The following KCTD16 variants were observed in gnomAD, a reference collection of about 807,000 sequenced individuals.
KCTD16 encodes BTB/POZ domain-containing protein KCTD16.
Under a neutral mutation model 33.2 loss-of-function variants are expected in KCTD16, and 13 were observed. The observed-to-expected ratio is 0.39, with a 90% CI of 0.25 to 0.62. The LOEUF is 0.62. Ranked by LOEUF, KCTD16 falls within the 20% of genes least tolerant of loss-of-function variation. KCTD16 has a pLI of 0.50. For synonymous variants in KCTD16, 197 were observed against 195.3 expected, an observed-to-expected ratio of 1.01 and a Z score of -0.07; for missense variants, 441 against 525.1, an observed-to-expected ratio of 0.84 and a Z score of 1.57.
At chr5:144,407,529 T>A (rs1289436071) in intron 3 of KCTD16, among the ~76,000 whole-genome samples, 1 of 152,170 alleles carries the variant, frequency 6.6e-6, no homozygotes, top group African/African-American at 2.4e-5. Context: ...TTTCTTTTTT[T>A]AATTATGTTT....
At chr5:144,224,000 C>G (rs540258004) in intron 3 of KCTD16, among the ~76,000 whole-genome samples, 1 of 150,682 alleles carries the variant, frequency 6.6e-6, no homozygotes, top group Non-Finnish European at 1.5e-5. Flanking sequence ...GAATTTCCCT[C>G]TCTTGAAAAC....
At chr5:144,328,300 G>T (rs1420681302) in intron 3 of KCTD16, among the ~76,000 whole-genome samples, 3 of 152,140 alleles carry the variant, frequency 2.0e-5, no homozygotes, top group Non-Finnish European at 4.4e-5. Flanking sequence ...TCATGGAAAG[G>T]TGCATATGTG....
chr5:144,455,480 A>G (rs568578101), intron 3 of KCTD16, among the ~76,000 whole-genome samples: 1 of 152,316 alleles, frequency 6.6e-6, no homozygotes, highest in South Asian at 2.1e-4. Context: ...GGAGTGGAAA[A>G]GTCAAAGAAG....
chr5:144,281,797 C>T lies in KCTD16; in HGVS notation c.832+74251C>T, dbSNP rs114582441. Among the ~76,000 whole-genome samples, 1,502 of 152,196 alleles carry T rather than the reference C, an allele frequency of 9.9e-3. 22 individuals are homozygous for T. Among genetic ancestry groups the T allele is most frequent in the African/African-American group, 0.034 (1,409 of 41,508 alleles). ...AGAGATAAGTGTTAAAGTTTCCACC[C>T]GTAATTGTGGATTTGTCTTTTTCTT... On this transcript the variant is annotated intron_variant, in intron 3 of 3. Transcript: ENST00000512467.
chr5:144,221,357 T>G lies in KCTD16; in HGVS notation c.832+13811T>G, dbSNP rs1367608154. ...TAGGTATACACATGCCATGGTGGTT[T>G]GCTGCACCCATCATCCCATCACCTA... is the stretch of plus-strand genomic sequence containing the variant. On this transcript the variant is annotated intron_variant, in intron 3 of 3. Transcript: ENST00000512467. Among the ~76,000 whole-genome samples the G allele has an allele frequency of 2.0e-5, 3 of 152,166 alleles. No homozygotes were observed. The East Asian group carries it at 5.8e-4, about 29-fold the overall frequency.
intron 3 of KCTD16, among the ~76,000 whole-genome samples, chr5:144,223,198 C>T (rs894922050): frequency 3.3e-5 from 5 of 151,904 alleles, no homozygotes; most frequent in South Asian, 2.1e-4. Context: ...ATGTAAATGA[C>T]GAGTTAATGG....
At chr5:144,374,381 G>A (rs940453409) in intron 3 of KCTD16, among the ~76,000 whole-genome samples, 10 of 152,136 alleles carry the variant, frequency 6.6e-5, no homozygotes, top group African/African-American at 2.4e-4. Flanking sequence ...GGTCTCTGAA[G>A]ACATTTAGAT....
intron 3 of KCTD16, among the ~76,000 whole-genome samples, chr5:144,235,993 A>G (rs1400361180): frequency 2.0e-5 from 3 of 152,122 alleles, no homozygotes; most frequent in Non-Finnish European, 4.4e-5. Flanking sequence ...TTGTCAGTGT[A>G]TGAAGTCTAG....
chr5:144,458,028 C>G (rs1014515081), intron 3 of KCTD16, among the ~76,000 whole-genome samples: 1 of 152,162 alleles, frequency 6.6e-6, no homozygotes, highest in African/African-American at 2.4e-5. Flanking sequence ...ATTTTATGTG[C>G]AAATTCATTC....
rs550456886 is a variant in KCTD16, at chr5:144,380,457, G to A, written c.833-93203G>A. ...TTCAATGCTATTTATATCAAACTAT[G>A]AATGCCATTTTTTACAGAATTAGAG... On this transcript the variant is annotated intron_variant, in intron 3 of 3. Transcript: ENST00000512467. Among the ~76,000 whole-genome samples, 186 of 152,206 alleles carry A rather than the reference G, an allele frequency of 1.2e-3. 3 individuals carry two copies. The Middle Eastern group carries it at 0.014, about 11-fold the overall frequency.
intron 3 of KCTD16, among the ~76,000 whole-genome samples, chr5:144,311,502 A>G (rs1052584966): frequency 2.0e-5 from 3 of 152,218 alleles, no homozygotes; most frequent in Admixed American, 2.0e-4. Context: ...ATAGATATAG[A>G]TATCAAGAGG....
chr5:144,237,283 A>G (rs1405927804), intron 3 of KCTD16, among the ~76,000 whole-genome samples: 1 of 152,104 alleles, frequency 6.6e-6, no homozygotes, highest in Admixed American at 6.6e-5. Flanking sequence ...ATTAAAGAAC[A>G]GTCACTATTT....
chr5:144,312,352 T>C (rs1471447509), intron 3 of KCTD16, among the ~76,000 whole-genome samples: 1 of 152,090 alleles, frequency 6.6e-6, no homozygotes, highest in Admixed American at 6.6e-5. Flanking sequence ...ACATATACAG[T>C]TGGAGGAAAA....
At chr5:144,385,357 G>A (rs945905261) in intron 3 of KCTD16, 2 of 152,094 alleles carry the variant, frequency 1.3e-5, no homozygotes, top group African/African-American at 2.4e-5. Context: ...TTTGTTACTT[G>A]TATTTTTATA....
intron 2 of KCTD16, among the ~76,000 whole-genome samples, chr5:144,197,371 C>T (rs1374962995): frequency 6.6e-6 from 1 of 152,152 alleles, no homozygotes; most frequent in Non-Finnish European, 1.5e-5. Flanking sequence ...TCACTTTTCA[C>T]ATTTGGAAAC....
intron 1 of KCTD16, among the ~76,000 whole-genome samples, chr5:144,171,820 G>T (rs1056417325): frequency 1.3e-5 from 2 of 152,340 alleles, no homozygotes; most frequent in Middle Eastern, 6.8e-3. Context: ...AGTGAAGATT[G>T]TGAACTGATG....
chr5:144,278,021 T>G lies in KCTD16; in HGVS notation c.832+70475T>G, dbSNP rs190648441. Among the ~76,000 whole-genome samples the G allele has an allele frequency of 4.4e-3, 670 of 152,304 alleles. 5 individuals carry two copies. Among genetic ancestry groups the G allele is most frequent in the African/African-American group, 0.015 (641 of 41,578 alleles). ...AATTTCTACGAGCAAAAGTTTTAAATTTTGAAAGAGTCACATTTATCAATG... is the reference window on the plus strand; with the variant it reads ...AATTTCTACGAGCAAAAGTTTTAAAGTTTGAAAGAGTCACATTTATCAATG... On this transcript the variant is annotated intron_variant, in intron 3 of 3. Transcript: ENST00000512467.
chr5:144,264,452 A>G (rs1008679054), intron 3 of KCTD16, among the ~76,000 whole-genome samples: 5 of 152,194 alleles, frequency 3.3e-5, no homozygotes, highest in African/African-American at 1.2e-4. Context: ...GGTTTTCATT[A>G]AATTAGAAAC....
intron 3 of KCTD16, among the ~76,000 whole-genome samples, chr5:144,393,825 T>C (rs1247418848): frequency 6.6e-6 from 1 of 152,182 alleles, no homozygotes; most frequent in Admixed American, 6.5e-5. Context: ...TCACATTGAT[T>C]TTCTGCATTC....
Sources: gnomAD v4.1 joint callset for allele counts (sites outside exome capture counted in the v4.1 genomes callset) on GRCh38, gnomAD v4.1.1 for gene constraint, MANE v1.5 for transcripts, NCBI Gene and HGNC (gene_info 2026-07-23, HGNC 2026-07-21) for gene names.